Variants in RGSL1 observed in about 807,000 individuals in gnomAD.
The protein encoded by RGSL1 is regulator of G protein signaling protein-like.
A neutral mutation model predicts 124.7 loss-of-function variants in RGSL1; 97 were observed. The observed-to-expected ratio is 0.78, with a 90% CI of 0.66 to 0.92. RGSL1 has a LOEUF of 0.92. RGSL1 is among the 40% of genes least tolerant of loss of function. The pLI, the probability that RGSL1 is intolerant of heterozygous loss-of-function variation, is 0.00. For synonymous variants in RGSL1, 424 were observed against 438.1 expected, an observed-to-expected ratio of 0.97 and a Z score of 0.40; for missense variants, 1,233 against 1,288.4, an observed-to-expected ratio of 0.96 and a Z score of 0.66.
intron 10 of RGSL1, among the ~76,000 whole-genome samples, chr1:182,524,655 C>T (rs1038062977): frequency 6.6e-6 from 1 of 152,172 alleles, no homozygotes; most frequent in Non-Finnish European, 1.5e-5. Context: ...CTCACATCAC[C>T]AAGCTTGACA....
At chr1:182,558,919 G>A (rs1470149202) in intron 21 of RGSL1, among the ~76,000 whole-genome samples, 5 of 152,204 alleles carry the variant, frequency 3.3e-5, no homozygotes, top group African/African-American at 1.2e-4. Context: ...TTAGAGCATG[G>A]ATATCCTAGG....
chr1:182,556,218 A>G lies in RGSL1; in HGVS notation c.*161A>G, dbSNP rs1038882258. On this transcript the variant is annotated 3_prime_UTR_variant, in exon 21 of 22. Coordinates refer to ENST00000294854, the MANE Select transcript of RGSL1 (RefSeq NM_001137669.2). ...CCCAGATATGGCAGGACCAGACTGC[A>G]ATGGGTAAGACTTGGGCAGAGCATG... is the stretch of plus-strand genomic sequence containing the variant. The G allele has an allele frequency of 8.9e-6, 6 of 671,028 alleles. No homozygotes were observed. In the African/African-American group the frequency reaches 1.1e-4, roughly 12 times the overall value. The allele number at this position is 671,028 out of a possible 1,614,324, so 41.6% of individuals were successfully genotyped here. A position where few individuals can be genotyped will look rare whatever the true frequency, so the allele number is the denominator to read the frequency against.
chr1:182,488,586 C>G (rs1256890181), intron 7 of RGSL1: 1 of 454,060 alleles, frequency 2.2e-6, no homozygotes, highest in Non-Finnish European at 4.0e-6. Flanking sequence ...ATTAGCCGGG[C>G]GTAGTGGCGG....
intron 6 of RGSL1, among the ~76,000 whole-genome samples, chr1:182,487,222 C>T (rs1417364462): frequency 2.0e-5 from 3 of 152,150 alleles, no homozygotes; most frequent in Non-Finnish European, 2.9e-5. Context: ...CTCACCTTTT[C>T]GCTGCATGAT....
intron 3 of RGSL1, 117 bp downstream of exon 3, chr1:182,458,510 C>A: frequency 1.2e-6 from 1 of 863,516 alleles, no homozygotes; most frequent in Non-Finnish European, 1.8e-6. Context: ...CATTCTGTCA[C>A]CCAGGCTGCA....
chr1:182,473,618 C>T lies in RGSL1; in HGVS notation c.507C>T (p.Thr169=). The part of the protein sequence containing the change: ...NLSIWHPNQS[T]TRREILSHMQ... ...CCATCTGGCATCCCAACCAATCAAC[C>T]ACTAGGAGGGAGATCCTGAGCCACA... The change falls in exon 6 of 22, where the codon ACC becomes ACT. Residue 169 remains threonine (T), a synonymous_variant. Coordinates refer to ENST00000294854, the MANE Select transcript of RGSL1 (RefSeq NM_001137669.2). The T allele has an allele frequency of 6.4e-7, 1 of 1,550,434 alleles. No homozygotes were observed. Among genetic ancestry groups the T allele is most frequent in the South Asian group, 1.2e-5 (1 of 83,838 alleles).
intron 3 of RGSL1, among the ~76,000 whole-genome samples, chr1:182,459,045 C>T (rs1236167532): frequency 6.6e-6 from 1 of 152,192 alleles, no homozygotes; most frequent in African/African-American, 2.4e-5. Context: ...TTTAAGGGCA[C>T]TTCTAAGCAA....
At chr1:182,490,709 A>C (rs750129382) in intron 8 of RGSL1, among the ~76,000 whole-genome samples, 1 of 152,166 alleles carries the variant, frequency 6.6e-6, no homozygotes, top group Non-Finnish European at 1.5e-5. Flanking sequence ...ATAGCCAGTA[A>C]GAATGTGAAC....
rs1192880951 is a variant in RGSL1, at chr1:182,522,053, T to C, written c.1875T>C (p.Asn625=). ...IKETKTVSRS[N]RKMSLLKRTL... The stretch of plus-strand genomic sequence containing the variant: ...AAACAAAGACAGTTTCACGCTCAAA[T>C]AGGAAAATGTCCTTGCTCAAAAGAA... Residue 625 remains asparagine (N), a synonymous_variant, in exon 10 of 22, where the codon AAT becomes AAC. Coordinates refer to ENST00000294854, the MANE Select transcript of RGSL1 (RefSeq NM_001137669.2). 3 of 1,549,138 alleles carry C rather than the reference T, an allele frequency of 1.9e-6. No individual in the cohort carries two copies. The highest frequency in any genetic ancestry group is 2.6e-6 in the Non-Finnish European group (3 of 1,146,290).
chr1:182,544,481 T>C (rs1282076739), intron 15 of RGSL1, among the ~76,000 whole-genome samples: 3 of 152,074 alleles, frequency 2.0e-5, no homozygotes, highest in East Asian at 3.8e-4. Flanking sequence ...TTGGGTGAAA[T>C]GTTCTGTAAA....
In RGSL1 at chr1:182,472,568, TAA is replaced by T; in HGVS notation, c.463+13_463+14del. 1 of 1,509,504 alleles carries T rather than the reference TAA, an allele frequency of 6.6e-7. No homozygotes were observed. The highest frequency in any genetic ancestry group is 8.9e-7 in the Non-Finnish European group (1 of 1,118,000). 93.5% of individuals were successfully genotyped at this position (1,509,504 alleles called of 1,614,324 possible). On this transcript the variant is annotated intron_variant, in intron 5 of 21. Coordinates refer to ENST00000294854, the MANE Select transcript of RGSL1 (RefSeq NM_001137669.2). Reference sequence around the variant, plus strand: ...GTAACATGAACATCAGTAAGAATTATAAAGCATCTTTTTGGGGGGATGCAACA... The same window carrying T: ...GTAACATGAACATCAGTAAGAATTATAGCATCTTTTTGGGGGGATGCAACA...
intron 15 of RGSL1, among the ~76,000 whole-genome samples, chr1:182,540,628 C>G (rs1223106116): frequency 6.6e-6 from 1 of 152,056 alleles, no homozygotes; most frequent in African/African-American, 2.4e-5. Flanking sequence ...CTTCAGTATT[C>G]CAGAAATTCC....
At position 182,474,256 on chromosome 1, in the gene RGSL1, A is replaced by G. The variant is rs1558263477; in HGVS notation, c.1145A>G (p.Asn382Ser). 1.3e-6 allele frequency: 2 copies of G among 1,551,576 alleles called. No homozygotes were observed. Among genetic ancestry groups the G allele is most frequent in the East Asian group, 2.4e-5 (1 of 40,916 alleles). Residue 382 changes from asparagine to serine, a missense_variant, in exon 6 of 22, where the codon AAC (asparagine) becomes AGC (serine). By Grantham distance (46) the Asn-to-Ser change is conservative. Coordinates refer to ENST00000294854, the MANE Select transcript of RGSL1 (RefSeq NM_001137669.2). ...LALCADACAG[N>S]PFRDHLKKLN... ...TTGTGTGCTGATGCCTGTGCAGGGA[A>G]CCCTTTCCGGGACCACCTGAAGAAG... is the stretch of plus-strand genomic sequence containing the variant.
chr1:182,460,300 G>A (rs1652714371), intron 4 of RGSL1, among the ~76,000 whole-genome samples, 167 bp downstream of exon 4: 1 of 152,032 alleles, frequency 6.6e-6, no homozygotes, highest in Non-Finnish European at 1.5e-5. Context: ...CAGTACTATA[G>A]TAAGGTACAA....
chr1:182,511,304 A>G (rs1177026228), intron 9 of RGSL1, among the ~76,000 whole-genome samples: 2 of 152,120 alleles, frequency 1.3e-5, no homozygotes, highest in African/African-American at 4.8e-5. Flanking sequence ...AGCTGGGATT[A>G]CAAGCATGTG....
chr1:182,474,723 G>A (rs528906191), intron 6 of RGSL1, among the ~76,000 whole-genome samples, 181 bp downstream of exon 6: 2 of 152,318 alleles, frequency 1.3e-5, no homozygotes, highest in East Asian at 3.9e-4. Flanking sequence ...CCGCAAATCT[G>A]TATCAGTCCA....
rs564322690 is a variant in RGSL1, at chr1:182,555,749, C to G, written c.3198-275C>G. Reference sequence around the variant, plus strand: ...TTGTCCTTCCAACAGGGACTTGAAGCTGCCCAGGAATTATTTGCCCGTCCC... The same window carrying G: ...TTGTCCTTCCAACAGGGACTTGAAGGTGCCCAGGAATTATTTGCCCGTCCC... On this transcript the variant is annotated intron_variant, in intron 20 of 21. Coordinates refer to ENST00000294854, the MANE Select transcript of RGSL1 (RefSeq NM_001137669.2). 6.9e-6 allele frequency: 3 copies of G among 432,494 alleles called. No individual in the cohort carries two copies. The Admixed American group carries it at 1.2e-4, about 18-fold the overall frequency. 26.8% of individuals were successfully genotyped at this position (432,494 alleles called of 1,614,324 possible). A position where few individuals can be genotyped will look rare whatever the true frequency, so the allele number is the denominator to read the frequency against.
intron 2 of RGSL1, among the ~76,000 whole-genome samples, chr1:182,458,088 G>A (rs1429425017): frequency 6.6e-6 from 1 of 152,232 alleles, no homozygotes; most frequent in Non-Finnish European, 1.5e-5. Context: ...ATAGCTCCCA[G>A]GTTGGGGCGT....
chr1:182,477,360 G>A (rs565461046), intron 6 of RGSL1, among the ~76,000 whole-genome samples: 8 of 152,198 alleles, frequency 5.3e-5, no homozygotes, highest in Non-Finnish European at 7.3e-5. Context: ...CCCTGTTAAC[G>A]ACCCAATGCC....
Sources: gnomAD v4.1 joint callset for allele counts (sites outside exome capture counted in the v4.1 genomes callset) on GRCh38, gnomAD v4.1.1 for gene constraint, MANE v1.5 for transcripts, NCBI Gene and HGNC (gene_info 2026-07-23, HGNC 2026-07-21) for gene names.